DNAH10: variants seen among roughly 807,000 people sequenced by gnomAD.
The protein encoded by DNAH10 is dynein axonemal heavy chain 10.
A neutral mutation model predicts 506.6 loss-of-function variants in DNAH10; 348 were observed. That is an observed-to-expected ratio of 0.69 (90% CI 0.63 to 0.75). The LOEUF (loss-of-function observed/expected upper bound fraction) is 0.75. Among genes scored for constraint, DNAH10 ranks in the 30% least tolerant of loss-of-function variants. The pLI is 0.00. For synonymous variants in DNAH10, 2,059 were observed against 2,198.6 expected (o/e 0.94, Z 1.78); for missense variants, 5,179 against 5,787.1 (o/e 0.89, Z 3.41).
At chr12:123,780,998 T>A in intron 5 of DNAH10, 82 bp from the exon 6 acceptor site, 19 of 892,862 alleles carry the variant, frequency 2.1e-5, no homozygotes, top group South Asian at 7.0e-5. Context: ...GAATAAAGAA[T>A]ATTCAAAACC....
intron 17 of DNAH10, 56 bp from the exon 18 acceptor site, chr12:123,804,777 G>T: frequency 3.9e-6 from 6 of 1,544,186 alleles, no homozygotes; most frequent in South Asian, 1.2e-5. Flanking sequence ...ATTGCCTTTT[G>T]AGTGCTGTCC....
At chr12:123,766,737 A>G (rs2135954819) in intron 1 of DNAH10, among the ~76,000 whole-genome samples, 1 of 152,276 alleles carries the variant, frequency 6.6e-6, no homozygotes, top group South Asian at 2.1e-4. Context: ...GTGGTGGTGG[A>G]TGAGGCACCT....
At chr12:123,908,459 C>T (rs1375927991) in intron 57 of DNAH10, 2 of 456,286 alleles carry the variant, frequency 4.4e-6, no homozygotes, top group African/African-American at 4.0e-5. Context: ...CCTGCTTTGC[C>T]TTGTCTGTGC....
intron 28 of DNAH10, among the ~76,000 whole-genome samples, chr12:123,836,726 T>A (rs1432864782): frequency 2.0e-5 from 3 of 152,194 alleles, no homozygotes; most frequent in Admixed American, 6.5e-5. Context: ...AAAAGAATTG[T>A]ACAACACATA....
chr12:123,915,381 C>T (rs1954429844), intron 62 of DNAH10, among the ~76,000 whole-genome samples: 1 of 152,168 alleles, frequency 6.6e-6, no homozygotes, highest in South Asian at 2.1e-4. Context: ...ACATACCACA[C>T]CTTTCCCCCA....
Position 123,867,928 on chromosome 12 carries a change from A to G in DNAH10, c.7328A>G (p.Asp2443Gly), listed in dbSNP as rs1350921595. Residue 2443 changes from aspartate (D) to glycine (G), a missense_variant, in exon 43 of 79, where the codon GAT becomes GGT. This residue lies in a region of DNAH10 where 4,844 missense variants were observed against 5,430.5 expected (regional missense o/e 0.89). Transcript: ENST00000673944. Reference protein sequence around the residue: ...NMVTQLAKMLDALLEGEIEDL... With the variant: ...NMVTQLAKMLGALLEGEIEDL... ...GTAACCCAGTTAGCCAAGATGTTGG[A>G]TGCGTTGCTAGAAGGAGAAATAGAA... is the stretch of plus-strand genomic sequence containing the variant. The G allele has an allele frequency of 6.2e-7, 1 of 1,613,660 alleles. No homozygotes were observed. Among genetic ancestry groups the G allele is most frequent in the African/African-American group, 1.3e-5 (1 of 74,926 alleles).
chr12:123,887,047 C>T, intron 51 of DNAH10, 95 bp from the exon 52 acceptor site: 1 of 1,435,756 alleles, frequency 7.0e-7, no homozygotes, highest in Non-Finnish European at 9.3e-7. Context: ...CAGACCCACG[C>T]CCTCTGCACT....
At chr12:123,816,084 A>T (rs1281282681) in intron 21 of DNAH10, among the ~76,000 whole-genome samples, 2 of 152,130 alleles carry the variant, frequency 1.3e-5, no homozygotes. Context: ...CTTTCAAAAC[A>T]CTTGTAATTT....
intron 39 of DNAH10, among the ~76,000 whole-genome samples, chr12:123,862,596 G>A (rs549857455): frequency 6.6e-6 from 1 of 152,000 alleles, no homozygotes; most frequent in South Asian, 2.1e-4. Flanking sequence ...TCCCTGTACT[G>A]CCCAGGCTTG....
At chr12:123,777,707 G>A (rs551244652) in intron 5 of DNAH10, among the ~76,000 whole-genome samples, 35 of 152,208 alleles carry the variant, frequency 2.3e-4, no homozygotes, top group Admixed American at 4.6e-4. Context: ...GTGCAGTGGC[G>A]CGAGCATGGC....
intron 65 of DNAH10, among the ~76,000 whole-genome samples, chr12:123,920,118 T>C (rs951443013): frequency 6.6e-6 from 1 of 152,224 alleles, no homozygotes; most frequent in South Asian, 2.1e-4. Flanking sequence ...GGAAAACATA[T>C]GCAAAAGAGA....
At chr12:123,877,503 A>G (rs1323056595) in intron 47 of DNAH10, among the ~76,000 whole-genome samples, 1 of 151,972 alleles carries the variant, frequency 6.6e-6, no homozygotes, top group African/African-American at 2.4e-5. Flanking sequence ...TTTAATAGAG[A>G]TGGGGTTTCA....
At position 123,813,431 on chromosome 12, in the gene DNAH10, G is replaced by A. The variant is rs1959020740; in HGVS notation, c.3412G>A (p.Ala1138Thr). Residue 1138 changes from alanine to threonine, a missense_variant, in exon 20 of 79, where the codon GCA becomes ACA. Ala to Thr is a moderately conservative substitution (Grantham distance 58). Transcript: ENST00000673944. ...KFAAKKPPCV[A>T]YDEKLQFYSK... ...TGCTGCCAAGAAACCTCCTTGTGTA[G>A]CATATGATGAAAAGTTGCAGTTCTA... The A allele has an allele frequency of 1.9e-6, 3 of 1,614,238 alleles. No individual in the cohort carries two copies. Among genetic ancestry groups the A allele is most frequent in the East Asian group, 2.2e-5 (1 of 44,890 alleles).
At chr12:123,886,655 T>G (rs1345149053) in intron 51 of DNAH10, among the ~76,000 whole-genome samples, 2 of 150,646 alleles carry the variant, frequency 1.3e-5, no homozygotes, top group Non-Finnish European at 2.9e-5. Flanking sequence ...CAGAGAGAGA[T>G]CTCTCAGTTC....
chr12:123,844,851 C>T (rs1439132324), intron 30 of DNAH10, among the ~76,000 whole-genome samples: 1 of 152,124 alleles, frequency 6.6e-6, no homozygotes, highest in Non-Finnish European at 1.5e-5. Flanking sequence ...GTTGCCCAGG[C>T]TGGTCTCAAA....
rs568891554 is a variant in DNAH10, at chr12:123,888,367, C to G, written c.8995+1054C>G. On this transcript the variant is annotated intron_variant, in intron 52 of 78. Coordinates refer to ENST00000673944, the MANE Select transcript of DNAH10 (RefSeq NM_001372106.1). Reference sequence around the variant, plus strand: ...ATCCTAAACCCCTGGATCTTGAGAACGAGACCTTTGTAAGAAAAAGAGTCT... The same window carrying G: ...ATCCTAAACCCCTGGATCTTGAGAAGGAGACCTTTGTAAGAAAAAGAGTCT... 3.1e-4 allele frequency among the ~76,000 whole-genome samples: 47 copies of G among 152,258 alleles called. No homozygotes were observed. In the South Asian group the frequency reaches 3.1e-3, roughly 10 times the overall value.
chr12:123,872,005 C>T (rs928851084), intron 45 of DNAH10, among the ~76,000 whole-genome samples: 2 of 152,174 alleles, frequency 1.3e-5, no homozygotes, highest in Non-Finnish European at 2.9e-5. Flanking sequence ...CTCCCTTCTG[C>T]CCTAATCTAT....
At chr12:123,796,036 A>G (rs373265359) in intron 12 of DNAH10, among the ~76,000 whole-genome samples, 38 of 152,314 alleles carry the variant, frequency 2.5e-4, no homozygotes, top group African/African-American at 7.0e-4. Flanking sequence ...AAAAAAAACC[A>G]AAGGTCTGCC....
At chr12:123,783,021 G>C in intron 6 of DNAH10, 86 bp from the exon 7 acceptor site, 1 of 1,349,650 alleles carries the variant, frequency 7.4e-7, no homozygotes, top group Non-Finnish European at 1.0e-6. Context: ...AAGCTTGAGA[G>C]ACGACCCAGC....
Sources: gnomAD v4.1 joint callset for allele counts (sites outside exome capture counted in the v4.1 genomes callset) on GRCh38, gnomAD v4.1.1 for gene constraint, gnomAD v4.1.1 regional missense constraint, MANE v1.5 for transcripts, NCBI Gene and HGNC (gene_info 2026-07-23, HGNC 2026-07-21) for gene names.